Variants in KHDRBS2 observed in about 807,000 individuals in gnomAD.
KHDRBS2 encodes the protein KH domain-containing, RNA-binding, signal transduction-associated protein 2.
In KHDRBS2, 26 loss-of-function variants were observed where a neutral mutation model predicts 44.3. The observed-to-expected ratio is 0.59, with a 90% CI of 0.43 to 0.81. The LOEUF (loss-of-function observed/expected upper bound fraction) is 0.81, where lower values mean the gene tolerates loss of function less well. Among genes scored for constraint, KHDRBS2 ranks in the 40% least tolerant of loss-of-function variants. The pLI is 0.00. For missense variants in KHDRBS2, 476 were observed against 433.1 expected, an observed-to-expected ratio of 1.10 and a Z score of -0.88; for synonymous variants, 194 against 151.1, an observed-to-expected ratio of 1.28 and a Z score of -2.08.
At chr6:62,111,577 A>T (rs1804994288) in intron 2 of KHDRBS2, among the ~76,000 whole-genome samples, 1 of 152,138 alleles carries the variant, frequency 6.6e-6, no homozygotes, top group Non-Finnish European at 1.5e-5. Flanking sequence ...CTCTAGTAGC[A>T]TCAAAGTTAA....
At chr6:62,074,200 T>C (rs1414885490) in intron 2 of KHDRBS2, among the ~76,000 whole-genome samples, 1 of 151,766 alleles carries the variant, frequency 6.6e-6, no homozygotes, top group Non-Finnish European at 1.5e-5. Context: ...CAAACACAAA[T>C]TAAATAAGCT....
At chr6:61,930,057 T>C (rs112298096) in intron 4 of KHDRBS2, among the ~76,000 whole-genome samples, 10,616 of 152,070 alleles carry the variant, frequency 0.07, 430 homozygotes, top group Middle Eastern at 0.14. Flanking sequence ...AAAATTAGGG[T>C]CCTCATAAAA....
chr6:62,001,507 T>C (rs1444486764), intron 3 of KHDRBS2, among the ~76,000 whole-genome samples: 13 of 151,954 alleles, frequency 8.6e-5, no homozygotes, highest in Admixed American at 7.2e-4. Context: ...TAGGATAAAA[T>C]TGCTAACTTG....
chr6:61,787,001 G>T (rs973706096), intron 6 of KHDRBS2, among the ~76,000 whole-genome samples: 39 of 148,588 alleles, frequency 2.6e-4, no homozygotes, highest in Admixed American at 1.2e-3. Flanking sequence ...TTATACAATT[G>T]TCAGTATATT....
chr6:62,246,122 A>C (rs950911861), intron 1 of KHDRBS2, among the ~76,000 whole-genome samples: 5 of 146,096 alleles, frequency 3.4e-5, no homozygotes, highest in African/African-American at 1.2e-4. Context: ...ATATATATAT[A>C]TATATATATA....
intron 6 of KHDRBS2, among the ~76,000 whole-genome samples, chr6:61,779,727 C>T (rs988709316): frequency 3.9e-5 from 6 of 152,032 alleles, no homozygotes; most frequent in Non-Finnish European, 5.9e-5. Context: ...ATGAGTGTGA[C>T]GTTTCAGGCA....
At chr6:61,981,055 T>C (rs187913017) in intron 3 of KHDRBS2, among the ~76,000 whole-genome samples, 111 of 152,270 alleles carry the variant, frequency 7.3e-4, no homozygotes, top group African/African-American at 2.5e-3. Flanking sequence ...ATATGTATAA[T>C]ACAGGCCCTG....
At chr6:61,718,999 A>G (rs978256271) in intron 7 of KHDRBS2, among the ~76,000 whole-genome samples, 1 of 152,188 alleles carries the variant, frequency 6.6e-6, no homozygotes, top group Non-Finnish European at 1.5e-5. Flanking sequence ...GGAGGTGTCT[A>G]TCTACATCTA....
At chr6:62,277,145 G>T (rs1841065332) in intron 1 of KHDRBS2, among the ~76,000 whole-genome samples, 2 of 151,836 alleles carry the variant, frequency 1.3e-5, no homozygotes, top group East Asian at 3.9e-4. Flanking sequence ...TATATCAGTG[G>T]TCTCTAAAAT....
intron 2 of KHDRBS2, among the ~76,000 whole-genome samples, chr6:62,068,619 A>G (rs1394478750): frequency 6.6e-6 from 1 of 151,588 alleles, no homozygotes; most frequent in African/African-American, 2.4e-5. Flanking sequence ...CAAGAATCAT[A>G]TAGTTTTAAC....
At chr6:61,641,954 T>C in the KHDRBS2 span, among the ~76,000 whole-genome samples, 1 of 152,182 alleles carries the variant, frequency 6.6e-6, no homozygotes, top group Non-Finnish European at 1.5e-5. Context: ...CATTTAGTCC[T>C]CTCAATTCTA....
chr6:62,139,090 CAT>C (rs1286066035), intron 2 of KHDRBS2, among the ~76,000 whole-genome samples: 3 of 151,336 alleles, frequency 2.0e-5, no homozygotes, highest in Non-Finnish European at 4.4e-5. Context: ...AATTTGAAAA[CAT>C]AGGATTTTTG....
chr6:62,249,167 T>C (rs1836117883), intron 1 of KHDRBS2, among the ~76,000 whole-genome samples: 1 of 152,062 alleles, frequency 6.6e-6, no homozygotes, highest in Non-Finnish European at 1.5e-5. Flanking sequence ...GTCAAATGTG[T>C]AAAAATTCTC....
chr6:61,782,674 G>A lies in KHDRBS2; in HGVS notation c.811-49910C>T, dbSNP rs186618599. 7.3e-3 allele frequency among the ~76,000 whole-genome samples: 935 copies of A among 128,404 alleles called. 25 individuals carry two copies. Among genetic ancestry groups the A allele is most frequent in the African/African-American group, 0.023 (834 of 36,056 alleles). The allele number at this position is 128,404 out of a possible 152,430, so 84.2% of individuals were successfully genotyped here. A position where few individuals can be genotyped will look rare whatever the true frequency, so the allele number is the denominator to read the frequency against. On this transcript the variant is annotated intron_variant, in intron 6 of 8. Transcript: ENST00000281156. ...CAATAAGTATGCATTTTTTATACCT[G>A]TGTATAAAGGTTGTGTATATATATA...
At chr6:62,232,403 A>C (rs1386915936) in intron 1 of KHDRBS2, among the ~76,000 whole-genome samples, 2 of 152,106 alleles carry the variant, frequency 1.3e-5, no homozygotes, top group Non-Finnish European at 2.9e-5. Context: ...ACCTAATCCC[A>C]TTGTGTATAG....
chr6:61,613,098 C>T, the KHDRBS2 span, among the ~76,000 whole-genome samples: 5 of 152,208 alleles, frequency 3.3e-5, no homozygotes, highest in East Asian at 3.9e-4. Flanking sequence ...GTGATCCTCC[C>T]GCCTTGGCCT....
At chr6:61,836,441 G>A (rs1030185776) in intron 6 of KHDRBS2, among the ~76,000 whole-genome samples, 2 of 151,974 alleles carry the variant, frequency 1.3e-5, no homozygotes, top group African/African-American at 4.8e-5. Flanking sequence ...GATCAGGCAG[G>A]CTGCCTGTTT....
At chr6:61,929,489 G>A (rs1483656210) in intron 4 of KHDRBS2, among the ~76,000 whole-genome samples, 2 of 152,078 alleles carry the variant, frequency 1.3e-5, no homozygotes, top group Non-Finnish European at 2.9e-5. Flanking sequence ...CCCAAAGGCC[G>A]TTCCACCACC....
intron 4 of KHDRBS2, among the ~76,000 whole-genome samples, chr6:61,926,175 A>G (rs1168085856): frequency 6.6e-6 from 1 of 152,196 alleles, no homozygotes; most frequent in African/African-American, 2.4e-5. Context: ...TGGGTGACAG[A>G]AAAGAGGCAA....
Sources: allele counts gnomAD v4.1 joint callset (sites outside exome capture counted in the v4.1 genomes callset), GRCh38; gene constraint gnomAD v4.1.1; transcripts MANE v1.5; gene names NCBI Gene and HGNC (gene_info 2026-07-23, HGNC 2026-07-21).